The following DLG2 variants were observed in gnomAD, a reference collection of about 807,000 sequenced individuals.
DLG2 encodes discs large MAGUK scaffold protein 2, also known as disks large homolog 2.
Under a neutral mutation model 132.5 loss-of-function variants are expected in DLG2, and 45 were observed. The observed-to-expected ratio is 0.34, with a 90% confidence interval of 0.27 to 0.44. The LOEUF is 0.44. DLG2 is among the 20% of genes least tolerant of loss of function. The pLI, the probability that DLG2 is intolerant of heterozygous loss-of-function variation, is 1.00. For synonymous variants in DLG2, 424 were observed against 419.6 expected (o/e 1.01, Z -0.13); for missense variants, 1,045 against 1,196.9 (o/e 0.87, Z 1.87).
intron 3 of DLG2, among the ~76,000 whole-genome samples, chr11:85,593,783 A>G (rs1420290287): frequency 6.6e-6 from 1 of 152,154 alleles, no homozygotes; most frequent in East Asian, 1.9e-4. Flanking sequence ...TCGAATTACT[A>G]TTAGGAAAAT....
chr11:84,868,694 C>A (rs990159375), intron 6 of DLG2, among the ~76,000 whole-genome samples: 1 of 152,086 alleles, frequency 6.6e-6, no homozygotes, highest in Non-Finnish European at 1.5e-5. Flanking sequence ...CACAGACCCC[C>A]GACATAGACT....
chr11:85,106,253 G>T (rs896466819), intron 6 of DLG2, among the ~76,000 whole-genome samples: 99 of 151,952 alleles, frequency 6.5e-4, no homozygotes, highest in African/African-American at 2.2e-3. Flanking sequence ...GTTTTTAAAT[G>T]AAAAGGAAAA....
chr11:85,617,266 T>C (rs1275548204), intron 2 of DLG2, among the ~76,000 whole-genome samples: 1 of 152,236 alleles, frequency 6.6e-6, no homozygotes, highest in African/African-American at 2.4e-5. Flanking sequence ...GATGTGATTA[T>C]ATAGTTCAAG....
intron 3 of DLG2, among the ~76,000 whole-genome samples, chr11:85,384,536 CTGAGG>C (rs1241080475): frequency 6.6e-6 from 1 of 152,092 alleles, no homozygotes; most frequent in Admixed American, 6.6e-5. Flanking sequence ...ATAAACTGAG[CTGAGG>C]TAAGTTACTA....
intron 4 of DLG2, among the ~76,000 whole-genome samples, chr11:85,256,651 C>A (rs1336230003): frequency 1.3e-5 from 2 of 152,142 alleles, no homozygotes; most frequent in African/African-American, 2.4e-5. Context: ...TCTGCATGCT[C>A]CTCCTCCTGT....
intron 7 of DLG2, among the ~76,000 whole-genome samples, chr11:84,430,539 T>C (rs760828557): frequency 6.6e-6 from 1 of 151,446 alleles, no homozygotes; most frequent in East Asian, 1.9e-4. Context: ...ATGTGTAAAA[T>C]ACATGTAATA....
Position 83,992,096 on chromosome 11 carries a change from C to CA in DLG2, c.920-11455dup, listed in dbSNP as rs2093750956. 2.0e-5 allele frequency among the ~76,000 whole-genome samples: 3 copies of CA among 152,282 alleles called. 1 individual carries two copies. The highest frequency in any genetic ancestry group is 2.0e-4 in the Admixed American group (3 of 15,272). ...TAAAAGCTAGGGAAGAAGCGTGGAA[C>CA]AAACTCTTGCATTTCTAAGTTGTAC... On this transcript the variant is annotated intron_variant, in intron 11 of 27. Coordinates refer to ENST00000376104, the MANE Select transcript of DLG2 (RefSeq NM_001142699.3).
At chr11:84,454,952 A>T (rs1456903310) in intron 7 of DLG2, among the ~76,000 whole-genome samples, 1 of 151,168 alleles carries the variant, frequency 6.6e-6, no homozygotes, top group African/African-American at 2.4e-5. Context: ...GATCTATCAG[A>T]TTGCACTTGA....
chr11:84,298,055 T>A (rs953004098), intron 7 of DLG2, among the ~76,000 whole-genome samples: 7 of 152,124 alleles, frequency 4.6e-5, no homozygotes, highest in African/African-American at 1.7e-4. Context: ...CATAATTTAA[T>A]TTGTAATAGC....
intron 6 of DLG2, among the ~76,000 whole-genome samples, chr11:84,664,874 C>T (rs1174259865): frequency 2.0e-5 from 3 of 152,062 alleles, no homozygotes; most frequent in Admixed American, 2.0e-4. Context: ...TTGTCCTTTC[C>T]CTTAGGAAAT....
intron 18 of DLG2, among the ~76,000 whole-genome samples, chr11:83,690,035 T>C (rs986232583): frequency 1.4e-5 from 2 of 146,294 alleles, no homozygotes; most frequent in South Asian, 2.1e-4. Flanking sequence ...TTTATGTAAA[T>C]ATAAATTATG....
chr11:84,592,207 A>G (rs540656988), intron 6 of DLG2, among the ~76,000 whole-genome samples: 19 of 152,300 alleles, frequency 1.2e-4, no homozygotes, highest in Middle Eastern at 6.8e-3. Context: ...TGTAATCAAG[A>G]CTGAGATCCA....
chr11:83,469,413 T>A (rs778065446), intron 24 of DLG2, 40 bp from the exon 25 acceptor site: 3 of 1,546,754 alleles, frequency 1.9e-6, no homozygotes. Flanking sequence ...GGTGCATTTA[T>A]ACCCATAAAC....
intron 7 of DLG2, among the ~76,000 whole-genome samples, chr11:84,259,526 T>G (rs1239867311): frequency 3.3e-5 from 5 of 152,078 alleles, no homozygotes; most frequent in Non-Finnish European, 7.3e-5. Flanking sequence ...GAATAAACTA[T>G]GTGAGTGCCT....
At chr11:84,478,958 T>A (rs1164191810) in intron 7 of DLG2, among the ~76,000 whole-genome samples, 2 of 152,116 alleles carry the variant, frequency 1.3e-5, no homozygotes, top group African/African-American at 2.4e-5. Context: ...TTAATAGGCA[T>A]AGGTGTTACA....
intron 19 of DLG2, among the ~76,000 whole-genome samples, chr11:83,584,556 T>C (rs952081292): frequency 1.3e-5 from 2 of 152,220 alleles, no homozygotes; most frequent in African/African-American, 2.4e-5. Context: ...GGAATAATGT[T>C]CTCAGTGAAA....
intron 6 of DLG2, among the ~76,000 whole-genome samples, chr11:84,661,580 C>T (rs1396253434): frequency 6.6e-6 from 1 of 152,094 alleles, no homozygotes; most frequent in Non-Finnish European, 1.5e-5. Context: ...TTTATCATCA[C>T]TTAATAATTC....
chr11:84,709,276 G>T (rs2060116962), intron 6 of DLG2, among the ~76,000 whole-genome samples: 1 of 151,906 alleles, frequency 6.6e-6, no homozygotes, highest in Non-Finnish European at 1.5e-5. Context: ...GGTTGACACA[G>T]TTAACTCTTT....
chr11:84,089,079 T>C (rs929911822), intron 10 of DLG2, among the ~76,000 whole-genome samples: 1 of 152,204 alleles, frequency 6.6e-6, no homozygotes, highest in Non-Finnish European at 1.5e-5. Flanking sequence ...GTGGGGTTTT[T>C]TTATTTGCAA....
Sources: allele counts gnomAD v4.1 joint callset (sites outside exome capture counted in the v4.1 genomes callset), GRCh38; gene constraint gnomAD v4.1.1; transcripts MANE v1.5; gene names NCBI Gene and HGNC (gene_info 2026-07-23, HGNC 2026-07-21).